Variants in TTC7A observed in about 807,000 individuals in gnomAD.
TTC7A encodes the protein tetratricopeptide repeat protein 7A.
TTC7A carries 110 observed loss-of-function variants against 103.7 expected under a neutral mutation model. That is an observed-to-expected ratio of 1.06 (90% CI 0.91 to 1.24). The LOEUF is 1.24. TTC7A is among the 50% of genes most tolerant of loss of function. The pLI is 0.00. For missense variants in TTC7A, 1,340 were observed against 1,116.3 expected (o/e 1.20, Z -2.86); for synonymous variants, 521 against 467.9 (o/e 1.11, Z -1.47).
At chr2:46,916,215 A>G (rs1668781913) in exon 1 of TTC7A, 1 of 959,868 alleles carries the variant, frequency 1.0e-6, no homozygotes, top group African/African-American at 1.8e-5. Flanking sequence ...AGTTGGGAAG[A>G]AAGATAATAG....
intron 11 of TTC7A, among the ~76,000 whole-genome samples, chr2:47,018,858 G>A (rs930727868): frequency 3.9e-5 from 6 of 152,208 alleles, no homozygotes; most frequent in African/African-American, 1.4e-4. Context: ...AAAACAAAGT[G>A]ACTTGCCCAA....
In TTC7A at chr2:47,049,917, T is replaced by C. The variant is rs114391007; in HGVS notation, c.1920-32T>C. 1.0e-3 allele frequency: 1,605 copies of C among 1,574,756 alleles called. 5 individuals carry two copies. In the African/African-American group the frequency reaches 0.016, roughly 16 times the overall value. ...GGCCCTGTGATGCTAGCCCTCTACCTTACCGGACCCTGGCCCTCTTTTGCC... is the reference window on the plus strand; with the variant it reads ...GGCCCTGTGATGCTAGCCCTCTACCCTACCGGACCCTGGCCCTCTTTTGCC... On this transcript the variant is annotated intron_variant, in intron 16 of 19. Coordinates refer to ENST00000319190, the MANE Select transcript of TTC7A (RefSeq NM_020458.4).
chr2:47,056,039 C>G (rs1683287967), intron 18 of TTC7A, among the ~76,000 whole-genome samples: 1 of 152,096 alleles, frequency 6.6e-6, no homozygotes, highest in Non-Finnish European at 1.5e-5. Flanking sequence ...GTCAGCGAGG[C>G]CACTCTCAGG....
intron 2 of TTC7A, among the ~76,000 whole-genome samples, chr2:46,919,300 C>T (rs772392503): frequency 5.3e-5 from 8 of 152,044 alleles, no homozygotes; most frequent in Admixed American, 2.0e-4. Context: ...TTTGGGAGGC[C>T]GAGGCGGCAA....
intron 2 of TTC7A, among the ~76,000 whole-genome samples, chr2:46,952,550 A>G (rs1671506638): frequency 6.6e-6 from 1 of 152,162 alleles, no homozygotes; most frequent in East Asian, 1.9e-4. Context: ...CAGAAGTTTG[A>G]GATCAGACTG....
At chr2:47,027,933 T>C (rs930816681) in intron 14 of TTC7A, among the ~76,000 whole-genome samples, 1 of 152,170 alleles carries the variant, frequency 6.6e-6, no homozygotes, top group African/African-American at 2.4e-5. Context: ...CCTTAATGCT[T>C]GTGGAAACAT....
At chr2:46,999,365 AC>A (rs576322029) in intron 8 of TTC7A, 1 of 288,504 alleles carries the variant, frequency 3.5e-6, no homozygotes, top group East Asian at 1.8e-4. Context: ...TCATCCATCC[AC>A]CCATCATTCC....
chr2:47,013,320 C>A (rs1240389881), intron 11 of TTC7A, among the ~76,000 whole-genome samples: 1 of 152,166 alleles, frequency 6.6e-6, no homozygotes, highest in Non-Finnish European at 1.5e-5. Context: ...GGTAGGGCGA[C>A]CTTGTGAGCA....
chr2:46,931,774 G>A (rs1371342800), intron 2 of TTC7A, among the ~76,000 whole-genome samples: 1 of 152,112 alleles, frequency 6.6e-6, no homozygotes, highest in African/African-American at 2.4e-5. Context: ...GAGAAGAAAT[G>A]CAGCTCTGCC....
At chr2:47,073,398 G>C (rs1684939607) in intron 19 of TTC7A, among the ~76,000 whole-genome samples, 1 of 152,182 alleles carries the variant, frequency 6.6e-6, no homozygotes, top group Admixed American at 6.5e-5. Flanking sequence ...GATTTGCCTA[G>C]GATCCCCCAA....
intron 5 of TTC7A, among the ~76,000 whole-genome samples, chr2:46,979,949 G>A (rs1397470249): frequency 6.6e-6 from 1 of 152,202 alleles, no homozygotes; most frequent in African/African-American, 2.4e-5. Flanking sequence ...GCCTCACTCA[G>A]CCTTCCATGG....
intron 3 of TTC7A, among the ~76,000 whole-genome samples, chr2:46,958,884 T>G (rs1034943534): frequency 6.6e-6 from 1 of 152,188 alleles, no homozygotes; most frequent in Admixed American, 6.5e-5. Context: ...TCTGTGAGCA[T>G]GAGGGTGGTG....
intron 1 of TTC7A, among the ~76,000 whole-genome samples, chr2:46,945,485 TG>T (rs1466216037): frequency 1.3e-5 from 2 of 152,230 alleles, no homozygotes. Flanking sequence ...GTTGACCTCA[TG>T]TTCCAGCCGC....
At chr2:47,065,909 T>A (rs1684143736) in intron 19 of TTC7A, 1 of 152,168 alleles carries the variant, frequency 6.6e-6, no homozygotes, top group Admixed American at 6.5e-5. Flanking sequence ...AGGGGCAGAC[T>A]CTGGAGAGGA....
At chr2:46,958,873 G>A (rs887880689) in intron 3 of TTC7A, among the ~76,000 whole-genome samples, 2 of 152,166 alleles carry the variant, frequency 1.3e-5, no homozygotes, top group Non-Finnish European at 2.9e-5. Context: ...TCCTGACTCC[G>A]TCTGTGAGCA....
At chr2:47,050,592 A>C (rs185545839) in intron 17 of TTC7A, 151 of 153,612 alleles carry the variant, frequency 9.8e-4, no homozygotes, top group Middle Eastern at 3.4e-3. Flanking sequence ...AGAAGGTGTG[A>C]GTGGAGTTGT....
chr2:46,915,979 A>G (rs975262910), upstream of TTC7A: 4 of 985,120 alleles, frequency 4.1e-6, no homozygotes, highest in African/African-American at 5.2e-5. Flanking sequence ...CAGTTCTTCT[A>G]CCTGCTTTCC....
Position 46,987,809 on chromosome 2 carries a change from C to CGTGTGT in TTC7A, c.765-5612_765-5607dup, listed in dbSNP as rs34664382. On this transcript the variant is annotated intron_variant, in intron 5 of 19. Transcript: ENST00000319190. The stretch of plus-strand genomic sequence containing the variant: ...GGTGAAAGCACTGTCCCTTTCCGCG[C>CGTGTGT]GTGTGTGTGTGTGTGTGTGTGTGTG... Among the ~76,000 whole-genome samples the CGTGTGT allele has an allele frequency of 8.3e-3, 1,197 of 144,616 alleles. 12 individuals are homozygous for CGTGTGT. Among genetic ancestry groups the CGTGTGT allele is most frequent in the African/African-American group, 0.026 (1,002 of 38,582 alleles). The allele number at this position is 144,616 out of a possible 152,430, so 94.9% of individuals were successfully genotyped here.
chr2:47,073,797 G>A lies in TTC7A; in HGVS notation c.2451G>A (p.Gln817=). ...AGAGTACGTGCCACGAGGCGTGGCA[G>A]GGCCTGGGCGAGGTGCTGCAGGCCC... The part of the protein sequence containing the change: ...ERQSTCHEAW[Q]GLGEVLQAQG... The change falls in exon 20 of 20, where the codon CAG becomes CAA. Residue 817 remains glutamine (Q), a synonymous_variant. Coordinates refer to ENST00000319190, the MANE Select transcript of TTC7A (RefSeq NM_020458.4). 1.2e-6 allele frequency: 2 copies of A among 1,613,780 alleles called. No homozygotes were observed. Among genetic ancestry groups the A allele is most frequent in the South Asian group, 1.1e-5 (1 of 91,082 alleles).
Sources: allele counts gnomAD v4.1 joint callset (sites outside exome capture counted in the v4.1 genomes callset), GRCh38; gene constraint gnomAD v4.1.1; transcripts MANE v1.5; gene names NCBI Gene and HGNC (gene_info 2026-07-23, HGNC 2026-07-21).